The following CDS1 variants were observed in gnomAD, a reference collection of about 807,000 sequenced individuals.
CDS1 encodes the protein phosphatidate cytidylyltransferase 1.
In CDS1, 41 loss-of-function variants were observed where a neutral mutation model predicts 62.1. That is an observed-to-expected ratio of 0.66 (90% CI 0.51 to 0.86). CDS1 has a LOEUF of 0.86. Among genes scored for constraint, CDS1 ranks in the 40% least tolerant of loss-of-function variants. CDS1 has a pLI of 0.00. For missense variants in CDS1, 470 were observed against 550.1 expected, an observed-to-expected ratio of 0.85 and a Z score of 1.46; for synonymous variants, 185 against 192.6, an observed-to-expected ratio of 0.96 and a Z score of 0.32.
intron 5 of CDS1, among the ~76,000 whole-genome samples, chr4:84,628,334 C>T (rs556641670): frequency 5.3e-5 from 8 of 152,270 alleles, no homozygotes; most frequent in Middle Eastern, 3.4e-3. Context: ...TCAACAAGAG[C>T]AAGAGCTCCT....
At chr4:84,641,062 A>T in intron 10 of CDS1, 72 bp downstream of exon 10, 1 of 906,850 alleles carries the variant, frequency 1.1e-6, no homozygotes, top group Non-Finnish European at 1.5e-6. Flanking sequence ...TTTATTATTT[A>T]TTTATTTATT....
At chr4:84,618,731 A>G (rs1357358096) in intron 4 of CDS1, among the ~76,000 whole-genome samples, 1 of 152,128 alleles carries the variant, frequency 6.6e-6, no homozygotes, top group African/African-American at 2.4e-5. Context: ...CAGAGGAAGC[A>G]TCCCTGCTCA....
At chr4:84,615,439 G>A (rs1723458355) in intron 3 of CDS1, among the ~76,000 whole-genome samples, 1 of 151,862 alleles carries the variant, frequency 6.6e-6, no homozygotes, top group Admixed American at 6.6e-5. Flanking sequence ...AGGATTCCAG[G>A]ACCAGGCTCA....
chr4:84,623,466 C>T (rs1723751847), intron 5 of CDS1, among the ~76,000 whole-genome samples: 1 of 152,128 alleles, frequency 6.6e-6, no homozygotes, highest in African/African-American at 2.4e-5. Context: ...GTAGAAAATA[C>T]GTTTAGGCAC....
chr4:84,605,666 T>C (rs1472852293), intron 2 of CDS1, among the ~76,000 whole-genome samples: 4 of 152,176 alleles, frequency 2.6e-5, no homozygotes, highest in African/African-American at 7.2e-5. Flanking sequence ...GTGTAGTCGA[T>C]GTTCTGTAAG....
intron 1 of CDS1, among the ~76,000 whole-genome samples, chr4:84,597,272 T>C (rs956421590): frequency 6.6e-6 from 1 of 152,144 alleles, no homozygotes; most frequent in Admixed American, 6.5e-5. Context: ...TAAGGAGGCT[T>C]TATCAATTAT....
chr4:84,592,843 A>C (rs1442709576), intron 1 of CDS1, among the ~76,000 whole-genome samples: 1 of 152,192 alleles, frequency 6.6e-6, no homozygotes, highest in Non-Finnish European at 1.5e-5. Context: ...AGGCTGATGT[A>C]GCCAATCTGA....
At chr4:84,597,334 T>C (rs1426328451) in intron 1 of CDS1, among the ~76,000 whole-genome samples, 2 of 152,142 alleles carry the variant, frequency 1.3e-5, no homozygotes, top group Non-Finnish European at 2.9e-5. Flanking sequence ...GGTAACCAGA[T>C]TTCTGTCTAT....
At chr4:84,618,505 T>C (rs146334290) in intron 4 of CDS1, among the ~76,000 whole-genome samples, 343 of 152,192 alleles carry the variant, frequency 2.3e-3, no homozygotes, top group Middle Eastern at 0.02. Flanking sequence ...AAACAAGAGG[T>C]AAAAGATAAA....
At chr4:84,614,736 T>TA (rs956739747) in intron 3 of CDS1, among the ~76,000 whole-genome samples, 1 of 152,180 alleles carries the variant, frequency 6.6e-6, no homozygotes, top group Non-Finnish European at 1.5e-5. Flanking sequence ...ATATATTTTT[T>TA]AAAAAAACAA....
At chr4:84,617,475 T>A (rs1415942837) in intron 3 of CDS1, 89 bp from the exon 4 acceptor site, 2 of 696,494 alleles carry the variant, frequency 2.9e-6, no homozygotes, top group Admixed American at 2.6e-5. Flanking sequence ...TAAGATTTTT[T>A]AAATACATAT....
At chr4:84,586,144 G>A (rs1377102736) in intron 1 of CDS1, among the ~76,000 whole-genome samples, 1 of 152,152 alleles carries the variant, frequency 6.6e-6, no homozygotes, top group Non-Finnish European at 1.5e-5. Context: ...GAGAGCAAAA[G>A]GAGGAGGCAT....
At position 84,633,417 on chromosome 4, in the gene CDS1, T is replaced by C. The variant is rs994066333; in HGVS notation, c.640-440T>C. 2.0e-5 allele frequency among the ~76,000 whole-genome samples: 3 copies of C among 152,198 alleles called. No homozygotes were observed. In the South Asian group the frequency reaches 6.2e-4, roughly 32 times the overall value. On this transcript the variant is annotated intron_variant, in intron 6 of 12. Transcript: ENST00000295887. ...ATTTGAAGTTGGAAATAACTCTTTA[T>C]GGGAAAAAGTTACCGTAATAAACTC...
At position 84,633,922 on chromosome 4, in the gene CDS1, G is replaced by A; in HGVS notation, c.705G>A (p.Leu235=). 2 of 1,601,922 alleles carry A rather than the reference G, an allele frequency of 1.2e-6. No individual in the cohort carries two copies. Among genetic ancestry groups the A allele is most frequent in the South Asian group, 2.2e-5 (2 of 89,834 alleles). Residue 235 remains leucine (L), a synonymous_variant, in exon 7 of 13, where the codon CTG becomes CTA. Coordinates refer to ENST00000295887, the MANE Select transcript of CDS1 (RefSeq NM_001263.4). ...AGTCACACCTTGTCATCCAAAATCT[G>A]TTTGAAGGCATGATATGGTAAGGCA... is the stretch of plus-strand genomic sequence containing the variant. ...VTQSHLVIQN[L]FEGMIWFLVP...
At chr4:84,631,771 C>A in intron 5 of CDS1, 48 bp from the exon 6 acceptor site, 1 of 1,521,464 alleles carries the variant, frequency 6.6e-7, no homozygotes. Context: ...AATCTTAACC[C>A]TTTGTACCAA....
At chr4:84,609,657 A>G (rs1249628477) in intron 3 of CDS1, 132 bp downstream of exon 3, 1 of 619,636 alleles carries the variant, frequency 1.6e-6, no homozygotes, top group Non-Finnish European at 2.9e-6. Context: ...AGTTCCTTTA[A>G]GTGTCTTTTA....
At chr4:84,622,195 T>C (rs1723708364) in intron 5 of CDS1, among the ~76,000 whole-genome samples, 1 of 152,182 alleles carries the variant, frequency 6.6e-6, no homozygotes, top group South Asian at 2.1e-4. Context: ...CTTCTGGCAT[T>C]TTGAGTTTTG....
rs1724523486 is a variant in CDS1 at position 84,645,299 on chromosome 4, A to G, written c.1230A>G (p.Val410=). The stretch of plus-strand genomic sequence containing the variant: ...GTCAGTATTTGATGGCAACTTTTGT[A>G]CATGTGTACATCACAAGTTTTATAA... The part of the protein sequence containing the change: ...FDCQYLMATF[V]HVYITSFIRG... Residue 410 remains valine, a synonymous_variant, in exon 12 of 13, where the codon GTA becomes GTG. Coordinates refer to ENST00000295887, the MANE Select transcript of CDS1 (RefSeq NM_001263.4). The G allele has an allele frequency of 1.2e-6, 2 of 1,604,586 alleles. No individual in the cohort carries two copies. The highest frequency in any genetic ancestry group is 1.7e-6 in the Non-Finnish European group (2 of 1,171,666).
At chr4:84,609,648 G>A in intron 3 of CDS1, 123 bp downstream of exon 3, 2 of 633,670 alleles carry the variant, frequency 3.2e-6, no homozygotes, top group Non-Finnish European at 5.6e-6. Flanking sequence ...AGAATATTTA[G>A]TTCCTTTAAG....
Sources: allele counts gnomAD v4.1 joint callset (sites outside exome capture counted in the v4.1 genomes callset), GRCh38; gene constraint gnomAD v4.1.1; transcripts MANE v1.5; gene names NCBI Gene and HGNC (gene_info 2026-07-23, HGNC 2026-07-21).